The following EIF5A variants were observed in gnomAD, a reference collection of about 807,000 sequenced individuals.
EIF5A encodes eukaryotic translation initiation factor 5A-1.
Under a neutral mutation model 16.6 loss-of-function variants are expected in EIF5A, and 1 was observed. That is an observed-to-expected ratio of 0.06 (90% CI 0.02 to 0.28). EIF5A has a LOEUF of 0.28. Among genes scored for constraint, EIF5A ranks in the 10% least tolerant of loss-of-function variants. The pLI is 1.00. For synonymous variants in EIF5A, 80 were observed against 73.6 expected (o/e 1.09, Z -0.44); for missense variants, 29 against 196.1 (o/e 0.15, Z 5.09).
chr17:7,307,022 T>C, upstream of EIF5A: 1 of 1,568,390 alleles, frequency 6.4e-7, no homozygotes, highest in Non-Finnish European at 8.6e-7. Context: ...GCTAGAAGAG[T>C]GGGGCGGAAA....
At chr17:7,307,615 A>T, upstream of EIF5A, 1 of 1,022,962 alleles carries the variant, frequency 9.8e-7, no homozygotes, top group Non-Finnish European at 1.2e-6. Flanking sequence ...GTCAGTGGGG[A>T]GTCGGCGCCT....
chr17:7,307,790 C>T (rs1419314036), intron 1 of EIF5A, 38 bp downstream of exon 1: 7 of 986,150 alleles, frequency 7.1e-6, no homozygotes, highest in Non-Finnish European at 8.4e-6. Flanking sequence ...GGTACCTTGG[C>T]TTGGGCCCGG....
chr17:7,308,549 C>T lies in EIF5A; in HGVS notation c.-22+797C>T, dbSNP rs771396386. ...CCCAGGAGCTTTCCTGAAAAACCCT[C>T]CTGTGAAGTGTGGCGGTCAGCCAGG... On this transcript the variant is annotated intron_variant, in intron 1 of 5. Transcript: ENST00000336458. 3 of 1,351,686 alleles carry T rather than the reference C, an allele frequency of 2.2e-6. No individual in the cohort carries two copies. In the South Asian group the frequency reaches 3.4e-5, roughly 15 times the overall value. The allele number at this position is 1,351,686 out of a possible 1,614,324, so 83.7% of individuals were successfully genotyped here.
chr17:7,307,616 G>C, upstream of EIF5A: 1 of 1,025,382 alleles, frequency 9.8e-7, no homozygotes, highest in Non-Finnish European at 1.2e-6. Flanking sequence ...TCAGTGGGGA[G>C]TCGGCGCCTG....
At position 7,309,611 on chromosome 17, in the gene EIF5A, C is replaced by T. The variant is rs748831270; in HGVS notation, c.-21-4C>T. On this transcript the variant is annotated splice_region_variant and splice_polypyrimidine_tract_variant and intron_variant, in intron 1 of 5. Transcript: ENST00000336458. ...ATTCACTTCAGTTCTCTTCTTGGCT[C>T]TAGTTGGAATCGAAGCCTCTTAAAA... 1 of 1,614,112 alleles carries T rather than the reference C, an allele frequency of 6.2e-7. No homozygotes were observed. Among genetic ancestry groups the T allele is most frequent in the Non-Finnish European group, 8.5e-7 (1 of 1,180,032 alleles).
upstream of EIF5A, chr17:7,307,590 AG>A (rs1693289337): frequency 2.0e-6 from 2 of 1,011,848 alleles, no homozygotes; most frequent in Admixed American, 6.1e-5. Context: ...CGGCTGTCAT[AG>A]GGCTGCTTGG....
chr17:7,309,979 A>C, intron 2 of EIF5A, 179 bp downstream of exon 2: 1 of 1,535,606 alleles, frequency 6.5e-7, no homozygotes, highest in Non-Finnish European at 8.7e-7. Context: ...CCCAGTCTTC[A>C]GCCTCTTCTG....
At chr17:7,307,468 A>C (rs1016419233), upstream of EIF5A, 3 of 1,043,666 alleles carry the variant, frequency 2.9e-6, no homozygotes, top group Non-Finnish European at 3.5e-6. Context: ...GGGCGGGGTC[A>C]CGTATGCGCG....
At chr17:7,308,617 G>A (rs764556191) in intron 1 of EIF5A, 98 of 1,345,856 alleles carry the variant, frequency 7.3e-5, no homozygotes, top group Non-Finnish European at 9.5e-5. Context: ...GAGAAATGGG[G>A]AAACAGGGCG....
intron 5 of EIF5A, 39 bp downstream of exon 5, chr17:7,311,690 T>C (rs753004762): frequency 6.2e-7 from 1 of 1,611,916 alleles, no homozygotes. Flanking sequence ...CTTCACATTT[T>C]GTTGTCCTCA....
upstream of EIF5A, chr17:7,307,212 A>G: frequency 3.6e-6 from 5 of 1,377,598 alleles, no homozygotes; most frequent in Non-Finnish European, 4.9e-6. Flanking sequence ...GGTCTTTTCA[A>G]CGCCTGGCGT....
intron 1 of EIF5A, chr17:7,308,194 C>A: frequency 1.0e-6 from 1 of 1,000,700 alleles, no homozygotes; most frequent in South Asian, 2.9e-5. Context: ...CGGCGTGGCT[C>A]CGGCCTGGCG....
At chr17:7,308,095 C>T in intron 1 of EIF5A, 1 of 993,136 alleles carries the variant, frequency 1.0e-6, no homozygotes, top group Non-Finnish European at 1.2e-6. Context: ...GAGGACCCGG[C>T]TCAGCGCGGC....
chr17:7,307,171 G>T (rs919220370), upstream of EIF5A: 13 of 1,513,396 alleles, frequency 8.6e-6, no homozygotes, highest in Non-Finnish European at 1.1e-5. Context: ...AGACGCATGC[G>T]TTCTAGACGA....
rs1597621130 is a variant in EIF5A at position 7,311,020 on chromosome 17, C to T, written c.168C>T (p.Val56=). 6.2e-7 allele frequency: 1 copy of T among 1,612,716 alleles called. No homozygotes were observed. The highest frequency in any genetic ancestry group is 2.2e-5 in the East Asian group (1 of 44,878). The change falls in exon 3 of 6, where the codon GTC becomes GTT. Residue 56 remains valine (V), a splice_region_variant and synonymous_variant. Coordinates refer to ENST00000336458, the MANE Select transcript of EIF5A (RefSeq NM_001970.5). ...CTCTTTGTGATGCATACATACAGGT[C>T]CATCTGGTTGGTATTGACATCTTTA... The part of the protein sequence containing the change: ...SKTGKHGHAK[V]HLVGIDIFTG...
Position 7,307,675 on chromosome 17 carries a change from C to A in EIF5A, c.-99C>A, listed in dbSNP as rs2072665157. The stretch of plus-strand genomic sequence containing the variant: ...GCGGCGGCGGCGGTAGAGGCGGCGG[C>A]GGCGGCGGCAGCGGGCTCGGAGGCA... On this transcript the variant is annotated 5_prime_UTR_variant, in exon 1 of 6. Coordinates refer to ENST00000336458, the MANE Select transcript of EIF5A (RefSeq NM_001970.5). 2.9e-6 allele frequency: 3 copies of A among 1,050,438 alleles called. No homozygotes were observed. Among genetic ancestry groups the A allele is most frequent in the South Asian group, 5.8e-5 (2 of 34,736 alleles). 65.1% of individuals were successfully genotyped at this position (1,050,438 alleles called of 1,614,324 possible).
rs1439155775 is a variant in EIF5A, at chr17:7,309,569, T to G, written c.-21-46T>G. On this transcript the variant is annotated intron_variant, in intron 1 of 5. Coordinates refer to ENST00000336458, the MANE Select transcript of EIF5A (RefSeq NM_001970.5). ...GAGAAATGGGATAGATTGGAGGTCC[T>G]GTTGACCTCCATGCTTATTCACTTC... 4.4e-6 allele frequency: 7 copies of G among 1,601,736 alleles called. No individual in the cohort carries two copies. The Middle Eastern group carries it at 6.6e-4, about 152-fold the overall frequency.
chr17:7,310,728 C>T (rs2072797081), intron 2 of EIF5A: 1 of 985,400 alleles, frequency 1.0e-6, no homozygotes, highest in Non-Finnish European at 1.2e-6. Context: ...CCTCCCACTC[C>T]CCTAGACTCT....
intron 1 of EIF5A, among the ~76,000 whole-genome samples, 173 bp from the exon 2 acceptor site, chr17:7,309,442 A>G (rs2072748133): frequency 6.6e-6 from 1 of 152,138 alleles, no homozygotes; most frequent in East Asian, 1.9e-4. Context: ...TACACACACC[A>G]GTTCTTGAGT....
Sources: allele counts gnomAD v4.1 joint callset (sites outside exome capture counted in the v4.1 genomes callset), GRCh38; gene constraint gnomAD v4.1.1; transcripts MANE v1.5; gene names NCBI Gene and HGNC (gene_info 2026-07-23, HGNC 2026-07-21).